Variants in NBAS observed in about 807,000 individuals in gnomAD.
NBAS encodes the protein NAG/BC035112 fusion.
A neutral mutation model predicts 302.5 loss-of-function variants in NBAS; 219 were observed. The ratio of observed to expected loss-of-function variants is 0.72; its 90% CI spans 0.65 to 0.81. The LOEUF (loss-of-function observed/expected upper bound fraction) is 0.81, where lower values mean the gene tolerates loss of function less well. Ranked by LOEUF, NBAS falls within the 30% of genes least tolerant of loss-of-function variation. The probability of loss-of-function intolerance (pLI) is 0.00; values close to 1 mark genes in which losing one functional copy is unlikely to be tolerated. For missense variants in NBAS, 2,932 were observed against 2,841.6 expected (o/e 1.03, Z -0.72); for synonymous variants, 1,118 against 1,021.6 (o/e 1.09, Z -1.80).
the NBAS span, among the ~76,000 whole-genome samples, chr2:14,893,915 C>A: frequency 1.3e-5 from 2 of 152,190 alleles, no homozygotes; most frequent in Non-Finnish European, 2.9e-5. Context: ...TCTGCCCAAA[C>A]CTTTGAAAAT....
the NBAS span, among the ~76,000 whole-genome samples, chr2:15,048,472 C>T: frequency 6.6e-6 from 1 of 152,224 alleles, no homozygotes; most frequent in Non-Finnish European, 1.5e-5. Flanking sequence ...GTTTCCGGTC[C>T]CAGGAAGTGG....
the NBAS span, among the ~76,000 whole-genome samples, chr2:15,128,228 C>T: frequency 6.6e-6 from 1 of 152,178 alleles, no homozygotes; most frequent in African/African-American, 2.4e-5. Context: ...TAAGTACTGC[C>T]TTTAATTATC....
chr2:15,527,412 T>C (rs1345924068), intron 9 of NBAS, among the ~76,000 whole-genome samples: 1 of 152,192 alleles, frequency 6.6e-6, no homozygotes, highest in Non-Finnish European at 1.5e-5. Context: ...GAAACCTATT[T>C]TCTCACAGTT....
intron 47 of NBAS, among the ~76,000 whole-genome samples, chr2:15,228,529 T>C (rs556200117): frequency 5.1e-4 from 77 of 152,332 alleles, no homozygotes; most frequent in Admixed American, 1.2e-3. Context: ...TGAAGAAACT[T>C]CTGCACACCC....
intron 11 of NBAS, among the ~76,000 whole-genome samples, chr2:15,494,886 C>T (rs1418914503): frequency 6.6e-6 from 1 of 152,044 alleles, no homozygotes; most frequent in Admixed American, 6.5e-5. Flanking sequence ...GCATTTTTAC[C>T]CCCCTTTTTT....
the NBAS span, among the ~76,000 whole-genome samples, chr2:15,119,411 C>A: frequency 6.6e-6 from 1 of 150,490 alleles, no homozygotes; most frequent in African/African-American, 2.4e-5. Flanking sequence ...CGAGTTCCAG[C>A]GATTCTCCTG....
chr2:14,864,320 C>CATA, the NBAS span, among the ~76,000 whole-genome samples: 5 of 68,014 alleles, frequency 7.4e-5, no homozygotes, highest in Admixed American at 9.4e-4. Context: ...GGCTCCATCT[C>CATA]AAAAAAAAAA....
the NBAS span, among the ~76,000 whole-genome samples, chr2:14,896,420 T>C: frequency 6.6e-6 from 1 of 152,210 alleles, no homozygotes; most frequent in South Asian, 2.1e-4. Flanking sequence ...CACAGCAATT[T>C]AATTTTTCCC....
chr2:15,189,376 A>G (rs1665235961), intron 49 of NBAS, among the ~76,000 whole-genome samples: 1 of 152,176 alleles, frequency 6.6e-6, no homozygotes, highest in South Asian at 2.1e-4. Context: ...CTCACAGGAT[A>G]TAGGACTTTA....
chr2:15,264,893 G>C (rs115726233), intron 44 of NBAS, among the ~76,000 whole-genome samples: 2 of 152,166 alleles, frequency 1.3e-5, no homozygotes, highest in African/African-American at 2.4e-5. Context: ...TGCAGCCTGA[G>C]TGCCTAGGAC....
chr2:15,188,938 C>T (rs535162819), intron 49 of NBAS, among the ~76,000 whole-genome samples: 123 of 152,266 alleles, frequency 8.1e-4, no homozygotes, highest in African/African-American at 2.8e-3. Context: ...GGGCTCCACA[C>T]CTGTCTCACA....
chr2:14,882,093 G>A, the NBAS span, among the ~76,000 whole-genome samples: 3 of 152,050 alleles, frequency 2.0e-5, no homozygotes, highest in Non-Finnish European at 2.9e-5. Context: ...CCCTAGCACT[G>A]CCCCCAGACC....
chr2:15,466,052 A>T (rs1450505423), intron 19 of NBAS, among the ~76,000 whole-genome samples: 2 of 152,154 alleles, frequency 1.3e-5, no homozygotes. Context: ...AACTACTAAG[A>T]GTGTTTTGTA....
At chr2:15,553,575 A>C in intron 4 of NBAS, 102 bp from the exon 5 acceptor site, 1 of 1,059,124 alleles carries the variant, frequency 9.4e-7, no homozygotes, top group Non-Finnish European at 1.4e-6. Context: ...TCATTTTTAA[A>C]TTTGTTCACA....
At chr2:15,080,714 G>A in the NBAS span, among the ~76,000 whole-genome samples, 45 of 152,220 alleles carry the variant, frequency 3.0e-4, no homozygotes, top group Non-Finnish European at 6.6e-4. Flanking sequence ...ACCCTGGTGG[G>A]GGTGGCTGGA....
At chr2:14,818,949 T>A in the NBAS span, among the ~76,000 whole-genome samples, 1 of 152,198 alleles carries the variant, frequency 6.6e-6, no homozygotes, top group Non-Finnish European at 1.5e-5. Flanking sequence ...CCTAGAAAAT[T>A]TCTACTCATT....
rs1392101862 is a variant in NBAS at position 15,548,137 on chromosome 2, TA to T, written c.379+3355del. Among the ~76,000 whole-genome samples the T allele has an allele frequency of 5.0e-4, 76 of 152,326 alleles. 1 individual carries two copies. Among genetic ancestry groups the T allele is most frequent in the African/African-American group, 1.7e-3 (72 of 41,582 alleles). On this transcript the variant is annotated intron_variant, in intron 6 of 51. Coordinates refer to ENST00000281513, the MANE Select transcript of NBAS (RefSeq NM_015909.4). Reference sequence around the variant, plus strand: ...AAGTTAAACAAGAAACAGGCAAACATACTTTGTTGGTATATTCATTCATCCA... The same window carrying T: ...AAGTTAAACAAGAAACAGGCAAACATCTTTGTTGGTATATTCATTCATCCA...
chr2:15,111,328 C>A, the NBAS span, among the ~76,000 whole-genome samples: 11 of 152,218 alleles, frequency 7.2e-5, 1 homozygote, highest in African/African-American at 2.6e-4. Context: ...TACAACAAAA[C>A]TAGGTGACAA....
At chr2:15,147,134 G>C in the NBAS span, among the ~76,000 whole-genome samples, 1 of 152,158 alleles carries the variant, frequency 6.6e-6, no homozygotes. Context: ...CTAGAGGGCA[G>C]ACCTGAGACG....
Sources: gnomAD v4.1 joint callset for allele counts (sites outside exome capture counted in the v4.1 genomes callset) on GRCh38, gnomAD v4.1.1 for gene constraint, MANE v1.5 for transcripts, NCBI Gene and HGNC (gene_info 2026-07-23, HGNC 2026-07-21) for gene names.